The following PHF24 variants were observed in gnomAD, a reference collection of about 807,000 sequenced individuals.
PHF24 encodes PHD finger protein 24, also known as Galpha inhibitory interacting protein.
In PHF24, 25 loss-of-function variants were observed where a neutral mutation model predicts 42.6. That is an observed-to-expected ratio of 0.59 (90% CI 0.43 to 0.82). The LOEUF (loss-of-function observed/expected upper bound fraction) is 0.82. PHF24 is among the 40% of genes least tolerant of loss of function. The pLI is 0.00. For synonymous variants in PHF24, 185 were observed against 204.8 expected (o/e 0.90, Z 0.83); for missense variants, 470 against 538.1 (o/e 0.87, Z 1.25).
the PHF24 span, among the ~76,000 whole-genome samples, chr9:34,714,069 G>A: frequency 7.9e-5 from 12 of 151,988 alleles, no homozygotes; most frequent in Non-Finnish European, 1.5e-4. Context: ...CAGAGTAGAG[G>A]GGCTGGAATT....
the PHF24 span, among the ~76,000 whole-genome samples, chr9:34,844,699 G>T: frequency 2.0e-5 from 3 of 152,094 alleles, no homozygotes; most frequent in African/African-American, 4.8e-5. Flanking sequence ...CTTCTTAAAT[G>T]TGTTATTTCA....
At chr9:34,866,891 C>A in the PHF24 span, among the ~76,000 whole-genome samples, 1 of 152,154 alleles carries the variant, frequency 6.6e-6, no homozygotes, top group South Asian at 2.1e-4. Flanking sequence ...GCAGCACTAG[C>A]CTCAGTCATC....
the PHF24 span, among the ~76,000 whole-genome samples, chr9:34,782,011 C>G: frequency 1.3e-5 from 2 of 152,174 alleles, no homozygotes; most frequent in Non-Finnish European, 2.9e-5. Context: ...ATGTCCAAAT[C>G]TCCACCCATA....
chr9:34,688,750 C>G, the PHF24 span, among the ~76,000 whole-genome samples: 1 of 152,198 alleles, frequency 6.6e-6, no homozygotes, highest in Non-Finnish European at 1.5e-5. Context: ...ACAGAATGAA[C>G]AGATGGACCC....
the PHF24 span, chr9:34,680,771 G>A: frequency 6.6e-6 from 1 of 151,638 alleles, no homozygotes; most frequent in Non-Finnish European, 1.5e-5. Flanking sequence ...TGTCAGCTAA[G>A]TCCCAGAACC....
the PHF24 span, among the ~76,000 whole-genome samples, chr9:34,767,347 T>C: frequency 6.6e-6 from 1 of 152,238 alleles, no homozygotes; most frequent in Admixed American, 6.5e-5. Context: ...TGAGCTGTGG[T>C]GGGCTCCACC....
the PHF24 span, among the ~76,000 whole-genome samples, chr9:34,683,139 C>A: frequency 6.6e-6 from 1 of 151,980 alleles, no homozygotes; most frequent in African/African-American, 2.4e-5. Flanking sequence ...CAGCTCACTG[C>A]AACCTTTGCC....
At chr9:34,927,637 T>A in the PHF24 span, among the ~76,000 whole-genome samples, 1 of 152,070 alleles carries the variant, frequency 6.6e-6, no homozygotes, top group Admixed American at 6.5e-5. Flanking sequence ...CAATAAGAAG[T>A]CCTTCCTGAC....
upstream of PHF24, among the ~76,000 whole-genome samples, chr9:34,956,531 C>T (rs909700841): frequency 2.6e-5 from 4 of 152,256 alleles, no homozygotes; most frequent in Admixed American, 6.5e-5. Context: ...GAATTACAGG[C>T]GTGAGCCACC....
the PHF24 span, among the ~76,000 whole-genome samples, chr9:34,775,327 A>G: frequency 6.6e-6 from 1 of 152,218 alleles, no homozygotes; most frequent in South Asian, 2.1e-4. Flanking sequence ...TATGTAAGGT[A>G]CCTAGAATAG....
At chr9:34,975,160 A>C (rs769749839) in intron 3 of PHF24, among the ~76,000 whole-genome samples, 5 of 152,108 alleles carry the variant, frequency 3.3e-5, no homozygotes, top group Non-Finnish European at 7.4e-5. Context: ...TAAAGGCCTA[A>C]TTTGAGGGGC....
At chr9:34,869,485 TTG>T in the PHF24 span, among the ~76,000 whole-genome samples, 1 of 152,232 alleles carries the variant, frequency 6.6e-6, no homozygotes, top group African/African-American at 2.4e-5. Flanking sequence ...TAGTTTTTAT[TTG>T]TGTTTCTCTA....
chr9:34,936,415 G>A, the PHF24 span, among the ~76,000 whole-genome samples: 1 of 152,146 alleles, frequency 6.6e-6, no homozygotes, highest in Non-Finnish European at 1.5e-5. Flanking sequence ...ATCTCGGCTC[G>A]CTACAACCTC....
the PHF24 span, among the ~76,000 whole-genome samples, chr9:34,875,952 T>A: frequency 0.026 from 562 of 21,386 alleles, 1 homozygote; most frequent in South Asian, 0.13. Context: ...ACACACACAC[T>A]CTCTCTCTCT....
the PHF24 span, chr9:34,837,836 G>T: frequency 1.5e-6 from 1 of 648,220 alleles, no homozygotes; most frequent in South Asian, 1.9e-5. Flanking sequence ...GATTTTCTTT[G>T]CCTATTCCAC....
At chr9:34,753,882 G>A in the PHF24 span, among the ~76,000 whole-genome samples, 3 of 152,092 alleles carry the variant, frequency 2.0e-5, no homozygotes, top group Non-Finnish European at 4.4e-5. Context: ...AAAATACGTT[G>A]GAGAAAAGAC....
At chr9:34,718,327 C>T in the PHF24 span, among the ~76,000 whole-genome samples, 4 of 152,322 alleles carry the variant, frequency 2.6e-5, no homozygotes, top group South Asian at 4.1e-4. Flanking sequence ...CCTTCCCAGG[C>T]CCCCCTCTCC....
chr9:34,768,612 C>T, the PHF24 span, among the ~76,000 whole-genome samples: 6 of 152,074 alleles, frequency 3.9e-5, no homozygotes, highest in African/African-American at 1.2e-4. Flanking sequence ...CTGTGCCTGG[C>T]GTACGTTGGT....
At chr9:34,832,437 A>G in the PHF24 span, 1 of 1,427,548 alleles carries the variant, frequency 7.0e-7, no homozygotes, top group Non-Finnish European at 9.6e-7. Context: ...GGGACCATCC[A>G]AGAAAGCTGG....
Sources: allele counts gnomAD v4.1 joint callset (sites outside exome capture counted in the v4.1 genomes callset), GRCh38; gene constraint gnomAD v4.1.1; transcripts MANE v1.5; gene names NCBI Gene and HGNC (gene_info 2026-07-23, HGNC 2026-07-21).